EXOC5: variants seen among roughly 807,000 people sequenced by gnomAD.
The protein encoded by EXOC5 is exocyst complex component 5.
In EXOC5, 17 loss-of-function variants were observed where a neutral mutation model predicts 90.8. The observed-to-expected ratio is 0.19, with a 90% CI of 0.13 to 0.28. The LOEUF is 0.28. Ranked by LOEUF, EXOC5 falls within the 10% of genes least tolerant of loss-of-function variation. The probability of loss-of-function intolerance (pLI) is 1.00; values close to 1 mark genes in which losing one functional copy is unlikely to be tolerated. For missense variants in EXOC5, 569 were observed against 830.6 expected, an observed-to-expected ratio of 0.69 and a Z score of 3.87; for synonymous variants, 260 against 270.0, an observed-to-expected ratio of 0.96 and a Z score of 0.36.
At chr14:57,257,355 T>C (rs1373090346) in intron 1 of EXOC5, among the ~76,000 whole-genome samples, 3 of 151,536 alleles carry the variant, frequency 2.0e-5, no homozygotes, top group South Asian at 2.1e-4. Flanking sequence ...AAGAGAAATA[T>C]AGAGCACATA....
intron 3 of EXOC5, 117 bp downstream of exon 3, chr14:57,246,594 G>C: frequency 2.3e-6 from 2 of 878,176 alleles, no homozygotes; most frequent in Non-Finnish European, 3.7e-6. Context: ...TAAAGCAGTA[G>C]AAAGAAATCT....
In EXOC5 at chr14:57,201,501, T is replaced by C. The variant is rs1430545949; in HGVS notation, c.*7108A>G. 6 of 145,484 alleles carry C rather than the reference T, an allele frequency of 4.1e-5. No homozygotes were observed. Among genetic ancestry groups the C allele is most frequent in the Non-Finnish European group, 6.0e-5 (4 of 66,890 alleles). The allele number at this position is 145,484 out of a possible 1,614,324, so 9.0% of individuals were successfully genotyped here. On this transcript the variant is annotated 3_prime_UTR_variant, in exon 18 of 18. Transcript: ENST00000621441. ...ACACGTGTATAAACACACGTGTATA[T>C]ACACACACATATGTATATATATACA...
At chr14:57,222,676 C>T (rs1001257694) in intron 12 of EXOC5, among the ~76,000 whole-genome samples, 3 of 151,014 alleles carry the variant, frequency 2.0e-5, no homozygotes, top group South Asian at 2.1e-4. Flanking sequence ...TCCAAGTATA[C>T]TTTCATAAAA....
At position 57,230,424 on chromosome 14, in the gene EXOC5, AACACAC is replaced by A. The variant is rs141411059; in HGVS notation, c.1149-549_1149-544del. 8.3e-4 allele frequency among the ~76,000 whole-genome samples: 77 copies of A among 92,272 alleles called. 1 individual carries two copies. The South Asian group carries it at 0.015, about 18-fold the overall frequency. The allele number at this position is 92,272 out of a possible 152,430, so 60.5% of individuals were successfully genotyped here. On this transcript the variant is annotated intron_variant, in intron 11 of 17. Coordinates refer to ENST00000621441, the MANE Select transcript of EXOC5 (RefSeq NM_006544.4). The stretch of plus-strand genomic sequence containing the variant: ...GGATATGTAACTTGAGACTACCGTA[AACACAC>A]ACACACACACACACAAACACACACA...
Position 57,205,727 on chromosome 14 carries a change from A to C in EXOC5, c.*2882T>G, listed in dbSNP as rs972957214. On this transcript the variant is annotated 3_prime_UTR_variant, in exon 18 of 18. Transcript: ENST00000621441. ...AGAAGGCTAGTATTTAGAAAGCAAA[A>C]TATTTAGAAGTGAAAGAGGGGGGAA... 8.0e-6 allele frequency: 3 copies of C among 375,384 alleles called. No homozygotes were observed. The highest frequency in any genetic ancestry group is 1.5e-5 in the Non-Finnish European group (3 of 195,736). 23.3% of individuals were successfully genotyped at this position (375,384 alleles called of 1,614,324 possible).
chr14:57,231,141 T>A (rs1440528712), intron 11 of EXOC5, among the ~76,000 whole-genome samples: 1 of 151,962 alleles, frequency 6.6e-6, no homozygotes, highest in Non-Finnish European at 1.5e-5. Context: ...CCTTAATGGC[T>A]GGGATTACAG....
At chr14:57,231,138 G>A (rs955670145) in intron 11 of EXOC5, among the ~76,000 whole-genome samples, 6 of 151,082 alleles carry the variant, frequency 4.0e-5, no homozygotes, top group Admixed American at 1.3e-4. Context: ...CCTCCTTAAT[G>A]GCTGGGATTA....
At chr14:57,240,126 C>A (rs755103462) in intron 4 of EXOC5, among the ~76,000 whole-genome samples, 2 of 152,002 alleles carry the variant, frequency 1.3e-5, no homozygotes, top group Non-Finnish European at 2.9e-5. Context: ...ATTTATAACA[C>A]TTGTTCTAAA....
In EXOC5 at chr14:57,203,242, T is replaced by G. The variant is rs565213432; in HGVS notation, c.*5367A>C. ...TGGGAAGCTGCAGACTTGATAAAAG[T>G]GCTACAATAAAAGGCCAGAGTTGAA... On this transcript the variant is annotated 3_prime_UTR_variant, in exon 18 of 18. Coordinates refer to ENST00000621441, the MANE Select transcript of EXOC5 (RefSeq NM_006544.4). 144 of 152,194 alleles carry G rather than the reference T, an allele frequency of 9.5e-4. 1 individual carries two copies. The highest frequency in any genetic ancestry group is 3.3e-3 in the African/African-American group (137 of 41,532). The allele number at this position is 152,194 out of a possible 1,614,324, so 9.4% of individuals were successfully genotyped here. A position where few individuals can be genotyped will look rare whatever the true frequency, so the allele number is the denominator to read the frequency against.
chr14:57,222,762 C>CACATAT (rs1436534771), intron 12 of EXOC5, among the ~76,000 whole-genome samples: 363 of 135,234 alleles, frequency 2.7e-3, no homozygotes, highest in African/African-American at 0.011. Context: ...CACACACACA[C>CACATAT]ATATATATAT....
At chr14:57,222,794 C>T (rs1883190498) in intron 12 of EXOC5, among the ~76,000 whole-genome samples, 1 of 151,234 alleles carries the variant, frequency 6.6e-6, no homozygotes, top group South Asian at 2.1e-4. Flanking sequence ...TACACACACA[C>T]ACATACACAC....
chr14:57,262,732 C>G (rs1251674871), intron 1 of EXOC5, among the ~76,000 whole-genome samples: 1 of 144,080 alleles, frequency 6.9e-6, no homozygotes, highest in African/African-American at 2.6e-5. Context: ...TGTATATATA[C>G]GTATATATGT....
chr14:57,230,907 C>T (rs948553986), intron 11 of EXOC5, among the ~76,000 whole-genome samples: 2 of 146,538 alleles, frequency 1.4e-5, no homozygotes, highest in African/African-American at 2.5e-5. Context: ...CTTATTCTAT[C>T]GAGAAAAAAA....
chr14:57,223,209 T>C (rs2139623300), intron 12 of EXOC5, among the ~76,000 whole-genome samples: 1 of 152,260 alleles, frequency 6.6e-6, no homozygotes, highest in South Asian at 2.1e-4. Context: ...CTGCTGTTGC[T>C]GTTAAACTAG....
Position 57,219,428 on chromosome 14 carries a change from C to T in EXOC5, c.1420G>A (p.Asp474Asn). The T allele has an allele frequency of 6.4e-7, 1 of 1,572,784 alleles. No homozygotes were observed. The highest frequency in any genetic ancestry group is 8.6e-7 in the Non-Finnish European group (1 of 1,161,146). The part of the protein sequence containing the change: ...ETGLAGIPSS[D>N]SRNANLYFLD... ...AAATAAAGATTTGCATTCCTAGAAT[C>T]TGAAGAGGGAATTCCTAAAACCAGA... Residue 474 changes from aspartate to asparagine, a missense_variant, in exon 14 of 18, where the codon GAT becomes AAT. Physicochemically the swap from Asp to Asn is conservative, Grantham distance 23. Transcript: ENST00000621441.
intron 1 of EXOC5, among the ~76,000 whole-genome samples, chr14:57,262,773 T>C (rs979624600): frequency 9.2e-6 from 1 of 108,364 alleles, no homozygotes; most frequent in Non-Finnish European, 1.7e-5. Flanking sequence ...AATGAATATA[T>C]TATTTCTTCC....
chr14:57,201,465 TATATGTACACACAC>T lies in EXOC5; in HGVS notation c.*7130_*7143del, dbSNP rs1264564365. On this transcript the variant is annotated 3_prime_UTR_variant, in exon 18 of 18. Coordinates refer to ENST00000621441, the MANE Select transcript of EXOC5 (RefSeq NM_006544.4). ...ACGTGTGTATATATACACACGCGTG[TATATGTACACACAC>T]GTGTATAAACACACGTGTATATACA... The T allele has an allele frequency of 6.4e-4, 91 of 142,798 alleles. No individual in the cohort carries two copies. The highest frequency in any genetic ancestry group is 1.9e-3 in the Admixed American group (28 of 14,720). The allele number at this position is 142,798 out of a possible 1,614,324, so 8.8% of individuals were successfully genotyped here.
At chr14:57,241,202 G>C (rs1377506487) in intron 4 of EXOC5, among the ~76,000 whole-genome samples, 1 of 152,114 alleles carries the variant, frequency 6.6e-6, no homozygotes, top group Non-Finnish European at 1.5e-5. Flanking sequence ...AAGCAACTGT[G>C]AATAACAACA....
intron 1 of EXOC5, among the ~76,000 whole-genome samples, chr14:57,262,538 A>ATGTG (rs55879618): frequency 2.1e-3 from 298 of 143,842 alleles, no homozygotes; most frequent in African/African-American, 3.1e-3. Context: ...GTAAATACAT[A>ATGTG]TGTGTGTGTG....
Sources: gnomAD v4.1 joint callset for allele counts (sites outside exome capture counted in the v4.1 genomes callset) on GRCh38, gnomAD v4.1.1 for gene constraint, MANE v1.5 for transcripts, NCBI Gene and HGNC (gene_info 2026-07-23, HGNC 2026-07-21) for gene names.